Variants in POLR3B observed in about 807,000 individuals in gnomAD.
POLR3B encodes DNA-directed RNA polymerase III subunit RPC2.
Under a neutral mutation model 147.4 loss-of-function variants are expected in POLR3B, and 96 were observed. The ratio of observed to expected loss-of-function variants is 0.65; its 90% CI spans 0.55 to 0.77. The LOEUF is 0.77. Ranked by LOEUF, POLR3B falls within the 30% of genes least tolerant of loss-of-function variation. The probability of loss-of-function intolerance (pLI) is 0.00; values close to 1 mark genes in which losing one functional copy is unlikely to be tolerated. For missense variants in POLR3B, 1,036 were observed against 1,413.5 expected, an observed-to-expected ratio of 0.73 and a Z score of 4.28; for synonymous variants, 461 against 485.9, an observed-to-expected ratio of 0.95 and a Z score of 0.67.
intron 9 of POLR3B, among the ~76,000 whole-genome samples, chr12:106,391,598 A>T (rs1404552184): frequency 6.6e-6 from 1 of 152,242 alleles, no homozygotes; most frequent in Non-Finnish European, 1.5e-5. Flanking sequence ...ACTGAAGGTC[A>T]AATGTAGAAT....
In POLR3B at chr12:106,495,814, C is replaced by T. The variant is rs1337583597; in HGVS notation, c.2714-241C>T. 4.7e-6 allele frequency: 3 copies of T among 637,748 alleles called. No homozygotes were observed. In the Admixed American group the frequency reaches 6.9e-5, roughly 15 times the overall value. 39.5% of individuals were successfully genotyped at this position (637,748 alleles called of 1,614,324 possible). ...GGGTGGGCAGGCAGCCCAACAGCAC[C>T]ATTGTGTGCTATGCCGGCAGCACAG... On this transcript the variant is annotated intron_variant, in intron 23 of 27. Coordinates refer to ENST00000228347, the MANE Select transcript of POLR3B (RefSeq NM_018082.6).
intron 23 of POLR3B, among the ~76,000 whole-genome samples, chr12:106,486,182 G>A (rs191989965): frequency 1.0e-3 from 154 of 151,520 alleles, no homozygotes; most frequent in African/African-American, 3.6e-3. Flanking sequence ...CCAGCTACTC[G>A]GGAGACTGAG....
chr12:106,458,820 C>A (rs760457268), intron 21 of POLR3B, among the ~76,000 whole-genome samples: 1 of 152,166 alleles, frequency 6.6e-6, no homozygotes, highest in Non-Finnish European at 1.5e-5. Context: ...ATGGGAATAA[C>A]AGCATAACCA....
rs1351197559 is a variant in POLR3B at position 106,390,221 on chromosome 12, A to G, written c.724-2810A>G. Among the ~76,000 whole-genome samples the G allele has an allele frequency of 2.7e-4, 39 of 146,426 alleles. No individual in the cohort carries two copies. The East Asian group carries it at 3.8e-3, about 14-fold the overall frequency. On this transcript the variant is annotated intron_variant, in intron 9 of 27. Transcript: ENST00000228347. Reference sequence around the variant, plus strand: ...CAACAGAGTAAGACTCTGTCTCTGAAAAAAAAAAAAAAGCAAAACAAAAAA... The same window carrying G: ...CAACAGAGTAAGACTCTGTCTCTGAGAAAAAAAAAAAAGCAAAACAAAAAA...
Position 106,357,799 on chromosome 12 carries a change from C to A in POLR3B, c.-81C>A. Reference sequence around the variant, plus strand: ...ACAGTTTAGGCCTCCGCGCACCGTTCGCCGGGAGTCTTGCAGTTTGCTTGG... The same window carrying A: ...ACAGTTTAGGCCTCCGCGCACCGTTAGCCGGGAGTCTTGCAGTTTGCTTGG... On this transcript the variant is annotated 5_prime_UTR_variant, in exon 1 of 28. Transcript: ENST00000228347. 1 of 1,377,998 alleles carries A rather than the reference C, an allele frequency of 7.3e-7. No individual in the cohort carries two copies. The highest frequency in any genetic ancestry group is 1.0e-6 in the Non-Finnish European group (1 of 985,166). 85.4% of individuals were successfully genotyped at this position (1,377,998 alleles called of 1,614,324 possible).
Position 106,438,818 on chromosome 12 carries a change from C to T in POLR3B, c.1955+1039C>T, listed in dbSNP as rs2037612745. Among the ~76,000 whole-genome samples, 3 of 148,738 alleles carry T rather than the reference C, an allele frequency of 2.0e-5. 1 individual carries two copies. The South Asian group carries it at 6.3e-4, about 31-fold the overall frequency. On this transcript the variant is annotated intron_variant, in intron 18 of 27. Coordinates refer to ENST00000228347, the MANE Select transcript of POLR3B (RefSeq NM_018082.6). The stretch of plus-strand genomic sequence containing the variant: ...GAATTCTTGTCAGTGCAGGAATTCT[C>T]TACATAGTCTGTTCAAAAACTCTAA...
chr12:106,370,878 C>T (rs58491322), intron 6 of POLR3B, among the ~76,000 whole-genome samples: 13,564 of 152,028 alleles, frequency 0.089, 662 homozygotes, highest in Middle Eastern at 0.13. Context: ...GTGATCCGCC[C>T]GCCTTGGACT....
At chr12:106,417,832 A>T (rs1265210621) in intron 12 of POLR3B, among the ~76,000 whole-genome samples, 1 of 150,288 alleles carries the variant, frequency 6.7e-6, no homozygotes, top group African/African-American at 2.4e-5. Context: ...TGAGTCCATT[A>T]AAAAAAAGTT....
chr12:106,409,355 G>GTT (rs1164848244), intron 11 of POLR3B, among the ~76,000 whole-genome samples: 3 of 123,084 alleles, frequency 2.4e-5, no homozygotes, highest in African/African-American at 3.2e-5. Context: ...GGTTTTTTTT[G>GTT]TTTTTTTTTT....
intron 16 of POLR3B, 88 bp from the exon 17 acceptor site, chr12:106,436,968 TC>T: frequency 1.0e-6 from 1 of 957,008 alleles, no homozygotes; most frequent in Non-Finnish European, 1.7e-6. Flanking sequence ...TGTATTTACA[TC>T]TTCCCTCATC....
chr12:106,381,907 G>A (rs1185471992), intron 9 of POLR3B: 2 of 152,238 alleles, frequency 1.3e-5, no homozygotes, highest in Non-Finnish European at 2.9e-5. Flanking sequence ...TGGGAAAGGG[G>A]TGGGGAGTTC....
At chr12:106,398,360 A>G (rs952786146) in intron 10 of POLR3B, among the ~76,000 whole-genome samples, 20 of 152,348 alleles carry the variant, frequency 1.3e-4, no homozygotes, top group African/African-American at 4.8e-4. Context: ...GGAGCCCACC[A>G]CAGCTCAAGG....
At chr12:106,386,115 G>A (rs1432072437) in intron 9 of POLR3B, among the ~76,000 whole-genome samples, 1 of 152,214 alleles carries the variant, frequency 6.6e-6, no homozygotes, top group Non-Finnish European at 1.5e-5. Context: ...GGAGGCCAAG[G>A]TGGGTGGATC....
At chr12:106,481,410 C>T (rs780160112) in intron 23 of POLR3B, among the ~76,000 whole-genome samples, 53 of 152,212 alleles carry the variant, frequency 3.5e-4, no homozygotes, top group Non-Finnish European at 6.0e-4. Flanking sequence ...GGCTTTGACT[C>T]AGTCTTCTTG....
intron 12 of POLR3B, among the ~76,000 whole-genome samples, chr12:106,417,778 C>T (rs925862748): frequency 6.6e-6 from 1 of 151,884 alleles, no homozygotes; most frequent in Non-Finnish European, 1.5e-5. Flanking sequence ...CACCATCAAT[C>T]CCATTTTTAC....
At chr12:106,427,112 T>A (rs2037449921) in intron 12 of POLR3B, 85 bp from the exon 13 acceptor site, 1 of 925,820 alleles carries the variant, frequency 1.1e-6, no homozygotes, top group Non-Finnish European at 1.6e-6. Context: ...TCTTATTTTT[T>A]AAAAATCTTA....
rs193106695 is a variant in POLR3B at position 106,430,356 on chromosome 12, G to A, written c.1347G>A (p.Leu449=). 1.1e-5 allele frequency: 18 copies of A among 1,613,986 alleles called. No individual in the cohort carries two copies. In the East Asian group the frequency reaches 2.9e-4, roughly 26 times the overall value. The change falls in exon 14 of 28, where the codon CTG becomes CTA. Residue 449 remains leucine, a synonymous_variant. Coordinates refer to ENST00000228347, the MANE Select transcript of POLR3B (RefSeq NM_018082.6). ...VLSRLSYISA[L]GMMTRISSQF... ...CTCGCTTGTCATATATATCCGCACTGGGCATGATGACAAGAATCTCTTCCC... is the reference window on the plus strand; with the variant it reads ...CTCGCTTGTCATATATATCCGCACTAGGCATGATGACAAGAATCTCTTCCC...
At chr12:106,499,341 C>T (rs1164939898) in intron 25 of POLR3B, among the ~76,000 whole-genome samples, 2 of 152,180 alleles carry the variant, frequency 1.3e-5, no homozygotes, top group Admixed American at 1.3e-4. Context: ...ATCCTGCTTG[C>T]CGTAGACAAT....
chr12:106,363,355 A>G (rs2036493382), intron 1 of POLR3B, among the ~76,000 whole-genome samples: 1 of 152,156 alleles, frequency 6.6e-6, no homozygotes, highest in Admixed American at 6.5e-5. Context: ...TGCTATTCCT[A>G]CAATGTTCCT....
Sources: gnomAD v4.1 joint callset for allele counts (sites outside exome capture counted in the v4.1 genomes callset) on GRCh38, gnomAD v4.1.1 for gene constraint, MANE v1.5 for transcripts, NCBI Gene and HGNC (gene_info 2026-07-23, HGNC 2026-07-21) for gene names.